CNTNAP4: variants seen among roughly 807,000 people sequenced by gnomAD.
The protein encoded by CNTNAP4 is contactin-associated protein-like 4.
A neutral mutation model predicts 148.4 loss-of-function variants in CNTNAP4; 98 were observed. The ratio of observed to expected loss-of-function variants is 0.66; its 90% CI spans 0.56 to 0.78. The LOEUF (loss-of-function observed/expected upper bound fraction) is 0.78. Ranked by LOEUF, CNTNAP4 falls within the 30% of genes least tolerant of loss-of-function variation. CNTNAP4 has a pLI of 0.00. For synonymous variants in CNTNAP4, 730 were observed against 565.1 expected (o/e 1.29, Z -4.14); for missense variants, 1,935 against 1,565.6 (o/e 1.24, Z -3.98).
At chr16:76,545,267 G>A (rs766892430) in intron 21 of CNTNAP4, among the ~76,000 whole-genome samples, 1 of 152,068 alleles carries the variant, frequency 6.6e-6, no homozygotes, top group Non-Finnish European at 1.5e-5. Context: ...GGCTTTAGTC[G>A]ATTCCAGAGG....
intron 3 of CNTNAP4, among the ~76,000 whole-genome samples, chr16:76,367,472 G>A (rs546254451): frequency 8.4e-4 from 128 of 152,212 alleles, no homozygotes; most frequent in African/African-American, 2.9e-3. Context: ...TAACATAAAA[G>A]AAAGGGTATA....
chr16:76,424,573 G>T (rs12931112), intron 3 of CNTNAP4, among the ~76,000 whole-genome samples: 53,129 of 151,802 alleles, frequency 0.35, 10,948 homozygotes, highest in Non-Finnish European at 0.44. Flanking sequence ...GGCCAACATG[G>T]TAAAATCCCA....
At chr16:76,327,378 T>C (rs8057110) in intron 2 of CNTNAP4, among the ~76,000 whole-genome samples, 42,108 of 152,078 alleles carry the variant, frequency 0.28, 6,518 homozygotes, top group Non-Finnish European at 0.35. Flanking sequence ...GCAAAGGAAA[T>C]GGTTTTGTTG....
intron 2 of CNTNAP4, among the ~76,000 whole-genome samples, chr16:76,352,103 A>T (rs2011867641): frequency 6.6e-6 from 1 of 152,206 alleles, no homozygotes; most frequent in African/African-American, 2.4e-5. Context: ...GTGACATTAT[A>T]GGGGCATTTC....
At chr16:76,538,680 C>T (rs1230584148) in intron 19 of CNTNAP4, among the ~76,000 whole-genome samples, 2 of 151,816 alleles carry the variant, frequency 1.3e-5, no homozygotes, top group African/African-American at 4.8e-5. Flanking sequence ...AATAAGGTGT[C>T]TTGTTGTATG....
chr16:76,360,538 T>C (rs1006161566), intron 3 of CNTNAP4, among the ~76,000 whole-genome samples: 3 of 152,140 alleles, frequency 2.0e-5, no homozygotes, highest in African/African-American at 7.2e-5. Context: ...GCATTTGTGG[T>C]GATAGAAGTT....
chr16:76,389,676 G>A (rs2016800329), intron 3 of CNTNAP4, among the ~76,000 whole-genome samples: 1 of 151,874 alleles, frequency 6.6e-6, no homozygotes, highest in Admixed American at 6.6e-5. Context: ...TGTCCAGGCT[G>A]GTCTTGAACT....
chr16:76,327,913 C>T (rs955230293), intron 2 of CNTNAP4, among the ~76,000 whole-genome samples: 4 of 132,056 alleles, frequency 3.0e-5, no homozygotes, highest in East Asian at 1.9e-4. Flanking sequence ...TTTGGCCTTC[C>T]GTCATTGTTT....
At chr16:76,390,262 G>T (rs1022860784) in intron 3 of CNTNAP4, among the ~76,000 whole-genome samples, 1 of 152,150 alleles carries the variant, frequency 6.6e-6, no homozygotes, top group African/African-American at 2.4e-5. Context: ...GGTGAAGAGT[G>T]GGCATCTCTT....
intron 1 of CNTNAP4, among the ~76,000 whole-genome samples, chr16:76,313,385 T>G (rs1168723220): frequency 6.6e-6 from 1 of 152,206 alleles, no homozygotes; most frequent in Admixed American, 6.6e-5. Context: ...CACCCACATG[T>G]GCGCCCTCCT....
intron 3 of CNTNAP4, among the ~76,000 whole-genome samples, chr16:76,396,943 T>A (rs2078224286): frequency 6.6e-6 from 1 of 152,010 alleles, no homozygotes; most frequent in African/African-American, 2.4e-5. Flanking sequence ...ACAAGAAGCT[T>A]TAAAGGAAGC....
intron 3 of CNTNAP4, among the ~76,000 whole-genome samples, chr16:76,413,514 A>T (rs2078871338): frequency 6.6e-6 from 1 of 151,134 alleles, no homozygotes; most frequent in African/African-American, 2.4e-5. Context: ...AGAACCTGCC[A>T]ATAAGACATT....
At chr16:76,388,751 G>C (rs1335852298) in intron 3 of CNTNAP4, among the ~76,000 whole-genome samples, 1 of 152,160 alleles carries the variant, frequency 6.6e-6, no homozygotes, top group African/African-American at 2.4e-5. Context: ...AAATCTAAAT[G>C]ATGGAAATGT....
At chr16:76,503,125 A>G (rs904431874) in intron 15 of CNTNAP4, among the ~76,000 whole-genome samples, 4 of 152,226 alleles carry the variant, frequency 2.6e-5, no homozygotes, top group African/African-American at 9.6e-5. Context: ...CATAAAGGAC[A>G]TCTGTGAAAA....
At chr16:76,279,882 G>C (rs1036048051) in intron 1 of CNTNAP4, among the ~76,000 whole-genome samples, 2 of 152,030 alleles carry the variant, frequency 1.3e-5, no homozygotes, top group African/African-American at 4.8e-5. Context: ...AAGAAGTAAG[G>C]TCTACTTGTA....
At chr16:76,447,356 T>TTA (rs369902182) in intron 4 of CNTNAP4, among the ~76,000 whole-genome samples, 91,621 of 147,376 alleles carry the variant, frequency 0.62, 31,088 homozygotes, top group Non-Finnish European at 0.76. Context: ...ATATATGAAA[T>TTA]TATATATATA....
chr16:76,299,041 C>T (rs1275602098), intron 1 of CNTNAP4, among the ~76,000 whole-genome samples: 1 of 151,856 alleles, frequency 6.6e-6, no homozygotes, highest in Non-Finnish European at 1.5e-5. Context: ...CCATAAAAAC[C>T]CTAGAAGAAA....
At chr16:76,371,770 G>T (rs1309912614) in intron 3 of CNTNAP4, among the ~76,000 whole-genome samples, 2 of 152,186 alleles carry the variant, frequency 1.3e-5, no homozygotes, top group African/African-American at 2.4e-5. Context: ...TTTAATTGTT[G>T]CTCTTAAGAC....
At chr16:76,453,117 A>G (rs889248051) in intron 8 of CNTNAP4, among the ~76,000 whole-genome samples, 1 of 152,200 alleles carries the variant, frequency 6.6e-6, no homozygotes, top group Non-Finnish European at 1.5e-5. Context: ...AGTGTTCTTC[A>G]ATGGAAAACT....
Sources: allele counts gnomAD v4.1 joint callset (sites outside exome capture counted in the v4.1 genomes callset), GRCh38; gene constraint gnomAD v4.1.1; transcripts MANE v1.5; gene names NCBI Gene and HGNC (gene_info 2026-07-23, HGNC 2026-07-21).